Variants in DNAH3 observed in about 807,000 individuals in gnomAD.
DNAH3 encodes axonemal beta dynein heavy chain 3.
A neutral mutation model predicts 432.5 loss-of-function variants in DNAH3; 332 were observed. That is an observed-to-expected ratio of 0.77 (90% CI 0.70 to 0.84). The LOEUF is 0.84. Ranked by LOEUF, DNAH3 falls within the 40% of genes least tolerant of loss-of-function variation. DNAH3 has a pLI of 0.00. For synonymous variants in DNAH3, 1,956 were observed against 1,900.2 expected (o/e 1.03, Z -0.76); for missense variants, 4,861 against 5,114.0 (o/e 0.95, Z 1.51).
intron 38 of DNAH3, 81 bp from the exon 39 acceptor site, chr16:21,024,782 A>C: frequency 9.4e-7 from 1 of 1,066,092 alleles, no homozygotes; most frequent in South Asian, 1.3e-5. Context: ...AATCTACTGC[A>C]TGTCAGGCAC....
At chr16:21,091,633 T>C (rs2091538523) in intron 18 of DNAH3, among the ~76,000 whole-genome samples, 1 of 152,048 alleles carries the variant, frequency 6.6e-6, no homozygotes, top group Admixed American at 6.6e-5. Flanking sequence ...CTGACCAACA[T>C]GGTGAAACCC....
chr16:21,127,883 A>T, intron 7 of DNAH3, 71 bp from the exon 9 acceptor site: 1 of 1,564,824 alleles, frequency 6.4e-7, no homozygotes, highest in African/African-American at 1.4e-5. Context: ...GACAGGTTCC[A>T]AGGGTGTGTG....
At chr16:20,987,630 T>C (rs2086262576) in intron 46 of DNAH3, 63 bp downstream of exon 46, 5 of 1,592,352 alleles carry the variant, frequency 3.1e-6, no homozygotes, top group Non-Finnish European at 3.4e-6. Context: ...CTGCTATTAC[T>C]ACATGTTCTA....
At chr16:21,087,186 G>GA in intron 18 of DNAH3, 126 bp from the exon 19 acceptor site, 7 of 786,344 alleles carry the variant, frequency 8.9e-6, no homozygotes, top group Admixed American at 2.3e-5. Flanking sequence ...CAGGCTTTGA[G>GA]GATCTGAAAC....
chr16:21,143,314 G>A (rs956383872), intron 3 of DNAH3, among the ~76,000 whole-genome samples: 7 of 152,228 alleles, frequency 4.6e-5, no homozygotes, highest in African/African-American at 1.7e-4. Flanking sequence ...TAGGTCATGA[G>A]GGCTCCATCT....
chr16:21,090,283 A>G (rs2091492542), intron 18 of DNAH3, among the ~76,000 whole-genome samples: 1 of 152,010 alleles, frequency 6.6e-6, no homozygotes, highest in Non-Finnish European at 1.5e-5. Context: ...AAACCTGTAT[A>G]ATCTCATCTA....
chr16:20,933,112 A>G, exon 62 of DNAH3: 1 of 1,562,426 alleles, frequency 6.4e-7, no homozygotes, highest in South Asian at 1.2e-5. Flanking sequence ...CAAAACAAAA[A>G]GAATGAAATG....
chr16:21,081,109 GGGT>G, intron 20 of DNAH3, among the ~76,000 whole-genome samples: 1 of 152,034 alleles, frequency 6.6e-6, no homozygotes, highest in Non-Finnish European at 1.5e-5. Flanking sequence ...GTAGAAACGG[GGGT>G]TTCACTATGT....
exon 53 of DNAH3, chr16:20,963,411 G>T: frequency 1.2e-6 from 2 of 1,614,072 alleles, no homozygotes; most frequent in East Asian, 4.5e-5. Flanking sequence ...GTTCAGCAAT[G>T]AACTCCCGGA....
intron 38 of DNAH3, among the ~76,000 whole-genome samples, chr16:21,025,294 G>A (rs2088485714): frequency 1.3e-5 from 2 of 150,324 alleles, no homozygotes; most frequent in Non-Finnish European, 3.0e-5. Flanking sequence ...TTAAAAAGGG[G>A]TACCATGTTA....
chr16:20,985,763 C>T (rs1317959927), intron 47 of DNAH3, 48 bp from the exon 48 acceptor site: 1 of 1,579,918 alleles, frequency 6.3e-7, no homozygotes, highest in African/African-American at 1.3e-5. Flanking sequence ...ATGGCCCAGC[C>T]AGGCTGGTAG....
At chr16:20,979,649 G>A in intron 49 of DNAH3, 103 bp from the exon 50 acceptor site, 1 of 1,017,604 alleles carries the variant, frequency 9.8e-7, no homozygotes, top group Non-Finnish European at 1.5e-6. Context: ...CACATACACT[G>A]ACTGTGACAC....
intron 24 of DNAH3, among the ~76,000 whole-genome samples, chr16:21,066,151 T>C (rs909357903): frequency 5.3e-5 from 8 of 151,364 alleles, no homozygotes; most frequent in African/African-American, 2.0e-4. Context: ...TAACAAATCA[T>C]TTTTTGTTTT....
chr16:20,960,562 C>T (rs1428237959), intron 53 of DNAH3, among the ~76,000 whole-genome samples: 1 of 152,116 alleles, frequency 6.6e-6, no homozygotes, highest in Non-Finnish European at 1.5e-5. Context: ...AACTAATTAG[C>T]TGGGTGGCAC....
In DNAH3 at chr16:21,085,548, A is replaced by G. The variant is rs955040906; in HGVS notation, c.2877+1301T>C. Among the ~76,000 whole-genome samples the G allele has an allele frequency of 3.6e-5, 5 of 137,244 alleles. No homozygotes were observed. In the East Asian group the frequency reaches 8.5e-4, roughly 23 times the overall value. 90.0% of individuals were successfully genotyped at this position (137,244 alleles called of 152,430 possible). ...ACCTCAAAAAAAAAAAAAAAAAAAA[A>G]GAAAAACAGAGGTCTACTCAGACAG... On this transcript the variant is annotated intron_variant, in intron 19 of 61. Coordinates refer to ENST00000261383, the Ensembl canonical transcript of DNAH3.
At chr16:21,144,754 G>A (rs974186595) in intron 3 of DNAH3, among the ~76,000 whole-genome samples, 1 of 152,150 alleles carries the variant, frequency 6.6e-6, no homozygotes, top group Admixed American at 6.5e-5. Context: ...AAGGAGGAGA[G>A]TGAGGCTTTG....
At chr16:20,989,285 G>C (rs1455728161) in intron 44 of DNAH3, among the ~76,000 whole-genome samples, 1 of 151,592 alleles carries the variant, frequency 6.6e-6, no homozygotes, top group African/African-American at 2.4e-5. Flanking sequence ...TAGATACAGA[G>C]CATCTACACA....
At chr16:20,942,464 T>C (rs1348096426) in intron 58 of DNAH3, among the ~76,000 whole-genome samples, 1 of 152,206 alleles carries the variant, frequency 6.6e-6, no homozygotes, top group Non-Finnish European at 1.5e-5. Flanking sequence ...CTCTTCCCAC[T>C]GTGAGGGGAA....
chr16:21,049,154 G>A (rs1183015114), intron 31 of DNAH3, among the ~76,000 whole-genome samples: 2 of 151,708 alleles, frequency 1.3e-5, no homozygotes, highest in Admixed American at 1.3e-4. Context: ...GTAGAGACAG[G>A]GTCTCAACTG....
Sources: allele counts gnomAD v4.1 joint callset (sites outside exome capture counted in the v4.1 genomes callset), GRCh38; gene constraint gnomAD v4.1.1; transcripts MANE v1.5; gene names NCBI Gene and HGNC (gene_info 2026-07-23, HGNC 2026-07-21).